Variants in KLKB1 observed in about 807,000 individuals in gnomAD.
The protein encoded by KLKB1 is kallikrein B1.
In KLKB1, 58 loss-of-function variants were observed where a neutral mutation model predicts 73.6. The observed-to-expected ratio is 0.79, with a 90% CI of 0.64 to 0.98. KLKB1 has a LOEUF of 0.98. KLKB1 is among the 50% of genes least tolerant of loss of function. The probability of loss-of-function intolerance (pLI) is 0.00; values close to 1 mark genes in which losing one functional copy is unlikely to be tolerated. For synonymous variants in KLKB1, 280 were observed against 258.1 expected (o/e 1.08, Z -0.81); for missense variants, 737 against 763.8 (o/e 0.96, Z 0.41).
At position 186,258,067 on chromosome 4, in the gene KLKB1, G is replaced by A. The variant is rs146525902; in HGVS notation, c.1772G>A (p.Arg591His). The A allele has an allele frequency of 2.1e-4, 345 of 1,614,100 alleles. No individual in the cohort carries two copies. Among genetic ancestry groups the A allele is most frequent in the Non-Finnish European group, 2.7e-4 (315 of 1,179,990 alleles). Reference protein sequence around the residue: ...PLVCKHNGMWRLVGITSWGEG... With the variant: ...PLVCKHNGMWHLVGITSWGEG... ...GTTTGCAAACACAATGGAATGTGGCGTTTGGTGGGCATCACCAGCTGGGGT... is the reference window on the plus strand; with the variant it reads ...GTTTGCAAACACAATGGAATGTGGCATTTGGTGGGCATCACCAGCTGGGGT... The change falls in exon 15 of 15, where the codon CGT becomes CAT. Residue 591 changes from arginine (R) to histidine (H), a missense_variant. By Grantham distance (29) the Arg-to-His change is conservative. Transcript: ENST00000264690.
intron 6 of KLKB1, among the ~76,000 whole-genome samples, chr4:186,244,033 T>C (rs1181787018): frequency 3.9e-5 from 6 of 152,150 alleles, no homozygotes; most frequent in Non-Finnish European, 8.8e-5. Flanking sequence ...GGTCAAGTTG[T>C]TTGAACAGAA....
At chr4:186,244,439 A>G (rs1235429111) in intron 6 of KLKB1, among the ~76,000 whole-genome samples, 2 of 152,182 alleles carry the variant, frequency 1.3e-5, no homozygotes, top group Non-Finnish European at 2.9e-5. Flanking sequence ...TGAGGAAGAA[A>G]TTTGGGCTTG....
rs1046943032 is a variant in KLKB1 at position 186,212,397 on chromosome 4, T to C, written c.201+3125T>C. The C allele has an allele frequency of 6.6e-6, 1 of 152,226 alleles. No homozygotes were observed. The highest frequency in any genetic ancestry group is 1.5e-5 in the Non-Finnish European group (1 of 68,042). 9.4% of individuals were successfully genotyped at this position (152,226 alleles called of 1,614,324 possible). The stretch of plus-strand genomic sequence containing the variant: ...AATTCAACCTTATAGATCATACTTA[T>C]GAAGGTGATAACTGACACGTGTTCA... On this transcript the variant is annotated intron_variant, in intron 2 of 14. Transcript: ENST00000511608.
intron 12 of KLKB1, among the ~76,000 whole-genome samples, chr4:186,255,427 T>G (rs576415506): frequency 6.6e-6 from 1 of 152,156 alleles, no homozygotes; most frequent in East Asian, 1.9e-4. Context: ...ATTAACTGGG[T>G]GTGGTGGTGT....
intron 10 of KLKB1, 28 bp from the exon 11 acceptor site, chr4:186,251,989 A>T: frequency 6.2e-7 from 1 of 1,614,194 alleles, no homozygotes; most frequent in Non-Finnish European, 8.5e-7. Context: ...TCTAATTCCA[A>T]CCATTAGCGT....
intron 2 of KLKB1, among the ~76,000 whole-genome samples, chr4:186,215,336 TTC>T: frequency 7.3e-6 from 1 of 137,414 alleles, no homozygotes; most frequent in East Asian, 2.3e-4. Context: ...TTCTCTTTCT[TTC>T]TCTTTCTTTC....
At chr4:186,226,221 T>G (rs746784762), upstream of KLKB1, among the ~76,000 whole-genome samples, 1 of 96,666 alleles carries the variant, frequency 1.0e-5, no homozygotes, top group Non-Finnish European at 2.0e-5. Context: ...TATTGAGCTT[T>G]CTTAAGGCAA....
intron 6 of KLKB1, among the ~76,000 whole-genome samples, chr4:186,246,423 C>T (rs558262174): frequency 5.9e-5 from 9 of 152,214 alleles, no homozygotes; most frequent in African/African-American, 1.7e-4. Flanking sequence ...AATGCCTGGA[C>T]GTCAGGCACC....
intron 4 of KLKB1, among the ~76,000 whole-genome samples, chr4:186,234,579 C>G (rs752414567): frequency 6.6e-6 from 1 of 152,176 alleles, no homozygotes; most frequent in Non-Finnish European, 1.5e-5. Context: ...CAGTCGTCCA[C>G]AGCAAATAAT....
At chr4:186,247,133 G>A (rs751995065) in intron 6 of KLKB1, among the ~76,000 whole-genome samples, 6 of 152,144 alleles carry the variant, frequency 3.9e-5, no homozygotes, top group Non-Finnish European at 8.8e-5. Flanking sequence ...GGTCATGGGT[G>A]GATCTTTCTC....
chr4:186,234,791 A>G (rs1737569794), intron 4 of KLKB1, among the ~76,000 whole-genome samples: 1 of 152,212 alleles, frequency 6.6e-6, no homozygotes, highest in Admixed American at 6.5e-5. Flanking sequence ...ATGCTATCCT[A>G]ATAAATTTAA....
chr4:186,224,644 AC>A (rs1344893171), upstream of KLKB1, among the ~76,000 whole-genome samples: 2 of 152,212 alleles, frequency 1.3e-5, no homozygotes, highest in South Asian at 2.1e-4. Context: ...TTTGGAAGTA[AC>A]TAACTTGTTT....
chr4:186,252,381 G>A (rs980311492), intron 11 of KLKB1, among the ~76,000 whole-genome samples, 196 bp downstream of exon 11: 2 of 152,122 alleles, frequency 1.3e-5, no homozygotes, highest in African/African-American at 4.8e-5. Flanking sequence ...TCTCTGTACA[G>A]GGCAGATGGC....
intron 2 of KLKB1, among the ~76,000 whole-genome samples, chr4:186,230,523 A>G (rs1012873044): frequency 2.0e-5 from 3 of 152,220 alleles, no homozygotes; most frequent in African/African-American, 4.8e-5. Flanking sequence ...AAATTATATA[A>G]TAGTACTTTA....
intron 4 of KLKB1, among the ~76,000 whole-genome samples, 180 bp downstream of exon 4, chr4:186,234,238 T>G (rs1351865449): frequency 3.3e-5 from 5 of 152,198 alleles, no homozygotes; most frequent in African/African-American, 9.7e-5. Flanking sequence ...TCTATTGTCT[T>G]TATAAATCAA....
chr4:186,251,732 C>G lies in KLKB1; in HGVS notation c.1032-17C>G, dbSNP rs1471685263. ...CCCCTGTGAAGGCTTACTCTTTCTACTGTTCATTTCATCTAGGTGTAAGTG... is the reference window on the plus strand; with the variant it reads ...CCCCTGTGAAGGCTTACTCTTTCTAGTGTTCATTTCATCTAGGTGTAAGTG... On this transcript the variant is annotated splice_polypyrimidine_tract_variant and intron_variant, in intron 9 of 14. Coordinates refer to ENST00000264690, the MANE Select transcript of KLKB1 (RefSeq NM_000892.5). 1.2e-6 allele frequency: 2 copies of G among 1,604,996 alleles called. No homozygotes were observed. The highest frequency in any genetic ancestry group is 2.2e-5 in the East Asian group (1 of 44,848).
intron 13 of KLKB1, among the ~76,000 whole-genome samples, chr4:186,256,920 G>T (rs1185328569): frequency 6.6e-6 from 1 of 151,974 alleles, no homozygotes; most frequent in African/African-American, 2.4e-5. Flanking sequence ...TGCTGGGCTT[G>T]TCCCAACACC....
intron 2 of KLKB1, among the ~76,000 whole-genome samples, chr4:186,219,312 A>G (rs1226387163): frequency 6.6e-6 from 1 of 152,164 alleles, no homozygotes; most frequent in African/African-American, 2.4e-5. Context: ...GTCTACTTGA[A>G]CCCATACGCA....
chr4:186,235,846 T>G (rs1028819598), intron 4 of KLKB1, among the ~76,000 whole-genome samples: 2 of 151,466 alleles, frequency 1.3e-5, no homozygotes, highest in African/African-American at 4.8e-5. Context: ...CCGGGCGCGG[T>G]GGCTCACGCC....
Sources: allele counts gnomAD v4.1 joint callset (sites outside exome capture counted in the v4.1 genomes callset), GRCh38; gene constraint gnomAD v4.1.1; transcripts MANE v1.5; gene names NCBI Gene and HGNC (gene_info 2026-07-23, HGNC 2026-07-21).